Variants in SMC5 observed in about 807,000 individuals in gnomAD.
The protein encoded by SMC5 is structural maintenance of chromosomes 5, also known as structural maintenance of chromosomes protein 5.
SMC5 carries 88 observed loss-of-function variants against 148.3 expected under a neutral mutation model. The observed-to-expected ratio is 0.59, with a 90% CI of 0.50 to 0.71. The LOEUF is 0.71. Ranked by LOEUF, SMC5 falls within the 30% of genes least tolerant of loss-of-function variation. The probability of loss-of-function intolerance (pLI) is 0.00; values close to 1 mark genes in which losing one functional copy is unlikely to be tolerated. For missense variants in SMC5, 1,142 were observed against 1,298.9 expected (o/e 0.88, Z 1.86); for synonymous variants, 421 against 432.8 (o/e 0.97, Z 0.34).
intron 7 of SMC5, among the ~76,000 whole-genome samples, chr9:70,285,240 ACAGT>A (rs1423807564): frequency 6.6e-6 from 1 of 152,214 alleles, no homozygotes; most frequent in Non-Finnish European, 1.5e-5. Flanking sequence ...AGGATGCAAA[ACAGT>A]CAGGAAAGGG....
At position 70,352,236 on chromosome 9, in the gene SMC5, G is replaced by C; in HGVS notation, c.3211G>C (p.Val1071Leu). 1 of 1,612,552 alleles carries C rather than the reference G, an allele frequency of 6.2e-7. No homozygotes were observed. Among genetic ancestry groups the C allele is most frequent in the Non-Finnish European group, 8.5e-7 (1 of 1,179,628 alleles). ...TTCTGAAAAGATGACAGTTTTGTTT[G>C]TCTACAATGGCCCTCATATGCTGGA... is the stretch of plus-strand genomic sequence containing the variant. ...PYSEKMTVLFVYNGPHMLEPN... is the reference protein window; with the variant it reads ...PYSEKMTVLFLYNGPHMLEPN... Residue 1071 changes from valine to leucine, a missense_variant, in exon 25 of 25, where the codon GTC (valine) becomes CTC (leucine). Coordinates refer to ENST00000361138, the MANE Select transcript of SMC5 (RefSeq NM_015110.4).
intron 17 of SMC5, among the ~76,000 whole-genome samples, chr9:70,331,291 A>G (rs2036211809): frequency 6.6e-6 from 1 of 152,206 alleles, no homozygotes; most frequent in Non-Finnish European, 1.5e-5. Context: ...AATACTTTCA[A>G]GGAAAAGTGG....
chr9:70,277,759 T>C (rs73446777), intron 4 of SMC5, among the ~76,000 whole-genome samples: 1,809 of 152,206 alleles, frequency 0.012, 26 homozygotes, highest in African/African-American at 0.04. Context: ...TGTAGAACCT[T>C]AAAATGTTGT....
chr9:70,352,310 T>TA lies in SMC5; in HGVS notation c.3286dup (p.Thr1096AsnfsTer25). The TA allele has an allele frequency of 1.2e-6, 2 of 1,605,488 alleles. No individual in the cohort carries two copies. Among genetic ancestry groups the TA allele is most frequent in the Non-Finnish European group, 1.7e-6 (2 of 1,176,980 alleles). On this transcript the variant is annotated frameshift_variant, in exon 25 of 25. Transcript: ENST00000361138. LOFTEE classifies it high-confidence loss of function. ...CTTTCCAAAGGCGGCGGCGCCGTAT[T>TA]ACATTCACTCAACCTTCTTAATAAA...
intron 17 of SMC5, among the ~76,000 whole-genome samples, chr9:70,337,546 C>T (rs958198598): frequency 3.4e-5 from 5 of 148,572 alleles, no homozygotes; most frequent in Non-Finnish European, 7.4e-5. Flanking sequence ...ACCTCAGTCT[C>T]CTGGGTTCAA....
chr9:70,290,767 A>G (rs959334461), intron 8 of SMC5, among the ~76,000 whole-genome samples: 1 of 152,116 alleles, frequency 6.6e-6, no homozygotes, highest in Non-Finnish European at 1.5e-5. Flanking sequence ...CACTGCCAGC[A>G]CTCATTTAAT....
intron 17 of SMC5, among the ~76,000 whole-genome samples, chr9:70,335,228 A>G (rs2036327356): frequency 6.6e-6 from 1 of 152,234 alleles, no homozygotes; most frequent in South Asian, 2.1e-4. Flanking sequence ...GCAGTGGCTC[A>G]TGCCTATAAT....
chr9:70,352,149 T>C (rs2036820259), intron 24 of SMC5, 42 bp from the exon 25 acceptor site: 1 of 1,498,590 alleles, frequency 6.7e-7, no homozygotes, highest in Non-Finnish European at 9.1e-7. Flanking sequence ...ACTATACTTC[T>C]CAGTATATAG....
chr9:70,305,431 C>A, intron 11 of SMC5, 71 bp downstream of exon 11: 1 of 888,926 alleles, frequency 1.1e-6, no homozygotes, highest in Non-Finnish European at 1.8e-6. Flanking sequence ...TTTAAATTCA[C>A]TAGAGCAAAA....
At chr9:70,285,443 A>G (rs77992467) in intron 7 of SMC5, among the ~76,000 whole-genome samples, 15,028 of 152,280 alleles carry the variant, frequency 0.099, 826 homozygotes, top group African/African-American at 0.12. Flanking sequence ...TTAGGCAACT[A>G]GGCCTTCTAG....
intron 17 of SMC5, among the ~76,000 whole-genome samples, chr9:70,341,731 A>G (rs2036528966): frequency 6.6e-6 from 1 of 152,194 alleles, no homozygotes; most frequent in South Asian, 2.1e-4. Flanking sequence ...TTAAAAAGTC[A>G]GGAAACAACA....
chr9:70,302,056 T>C (rs902854739), intron 10 of SMC5, among the ~76,000 whole-genome samples: 3 of 152,166 alleles, frequency 2.0e-5, no homozygotes, highest in African/African-American at 7.2e-5. Flanking sequence ...AACTGGAACC[T>C]GCATAGCCAA....
rs754824285 is a variant in SMC5, at chr9:70,314,734, A to G, written c.1579-8A>G. 3.5e-6 allele frequency: 5 copies of G among 1,436,580 alleles called. No homozygotes were observed. The highest frequency in any genetic ancestry group is 2.1e-5 in the Admixed American group (1 of 48,736). The allele number at this position is 1,436,580 out of a possible 1,614,324, so 89.0% of individuals were successfully genotyped here. ...ATTAAAATAATATTTTCTTTTCCCTATATTCAGGTTCGTGACAATAAAAAA... is the reference window on the plus strand; with the variant it reads ...ATTAAAATAATATTTTCTTTTCCCTGTATTCAGGTTCGTGACAATAAAAAA... On this transcript the variant is annotated splice_polypyrimidine_tract_variant and splice_region_variant and intron_variant, in intron 11 of 24. Transcript: ENST00000361138.
rs373992254 is a variant in SMC5, at chr9:70,352,305, C to T, written c.3280C>T (p.Arg1094Cys). ...AAAGGCTTTCCAAAGGCGGCGGCGC[C>T]GTATTACATTCACTCAACCTTCTTA... ...NLKAFQRRRRRITFTQPS is the reference protein window; with the variant it reads ...NLKAFQRRRRCITFTQPS The change falls in exon 25 of 25, where the codon CGT becomes TGT. Residue 1094 changes from arginine (R) to cysteine (C), a missense_variant. Coordinates refer to ENST00000361138, the MANE Select transcript of SMC5 (RefSeq NM_015110.4). The T allele has an allele frequency of 2.4e-5, 38 of 1,606,618 alleles. No individual in the cohort carries two copies. The highest frequency in any genetic ancestry group is 3.3e-4 in the Middle Eastern group (2 of 6,052).
chr9:70,309,534 T>C (rs1323826293), intron 11 of SMC5, among the ~76,000 whole-genome samples: 1 of 152,018 alleles, frequency 6.6e-6, no homozygotes, highest in Non-Finnish European at 1.5e-5. Flanking sequence ...TTGTTGTAAT[T>C]TCAGCAGTGT....
chr9:70,351,883 C>T (rs1240567239), intron 24 of SMC5, among the ~76,000 whole-genome samples: 3 of 152,034 alleles, frequency 2.0e-5, no homozygotes, highest in Non-Finnish European at 4.4e-5. Context: ...CGAGACCAGC[C>T]TGGCCAACAT....
intron 22 of SMC5, among the ~76,000 whole-genome samples, chr9:70,348,973 T>A (rs2036737345): frequency 6.6e-6 from 1 of 152,150 alleles, no homozygotes; most frequent in African/African-American, 2.4e-5. Flanking sequence ...AAATTACATA[T>A]GTGGGTTGTA....
rs776884389 is a variant in SMC5 at position 70,286,207 on chromosome 9, A to C, written c.989A>C (p.Asp330Ala). 2.9e-6 allele frequency: 4 copies of C among 1,359,424 alleles called. No individual in the cohort carries two copies. The South Asian group carries it at 3.5e-5, about 12-fold the overall frequency. The allele number at this position is 1,359,424 out of a possible 1,614,324, so 84.2% of individuals were successfully genotyped here. The stretch of plus-strand genomic sequence containing the variant: ...CCCGGTTTAATTTTACAGGCAACAG[A>C]TATTAAGGAGGCATCTCAAAAATGC... ...LEARIKEKATDIKEASQKCKQ... is the reference protein window; with the variant it reads ...LEARIKEKATAIKEASQKCKQ... Residue 330 changes from aspartate to alanine, a missense_variant, in exon 8 of 25, where the codon GAT becomes GCT. Physicochemically the swap from Asp to Ala is moderately radical, Grantham distance 126. Around this residue, in one of 5 missense-constraint regions of SMC5, gnomAD observed 743 missense variants for 835.7 expected, o/e 0.89. Transcript: ENST00000361138.
intron 17 of SMC5, among the ~76,000 whole-genome samples, chr9:70,333,834 C>T (rs2036287704): frequency 6.6e-6 from 1 of 152,114 alleles, no homozygotes. Context: ...AAATTAAATA[C>T]ATGGTGTTCA....
Sources: allele counts gnomAD v4.1 joint callset (sites outside exome capture counted in the v4.1 genomes callset), GRCh38; gene constraint gnomAD v4.1.1; regional missense constraint gnomAD v4.1.1; transcripts MANE v1.5; gene names NCBI Gene and HGNC (gene_info 2026-07-23, HGNC 2026-07-21).